The following CIAO2A variants were observed in gnomAD, a reference collection of about 807,000 sequenced individuals.
CIAO2A encodes the protein MIP18 family protein FAM96A.
A neutral mutation model predicts 22.4 loss-of-function variants in CIAO2A; 17 were observed. That is an observed-to-expected ratio of 0.76 (90% CI 0.52 to 1.14). The LOEUF (loss-of-function observed/expected upper bound fraction) is 1.14, where lower values mean the gene tolerates loss of function less well. Ranked by LOEUF, CIAO2A falls within the 50% of genes most tolerant of loss-of-function variation. The probability of loss-of-function intolerance (pLI) is 0.00; values close to 1 mark genes in which losing one functional copy is unlikely to be tolerated. For missense variants in CIAO2A, 192 were observed against 191.4 expected, an observed-to-expected ratio of 1.00 and a Z score of -0.02; for synonymous variants, 74 against 72.3, an observed-to-expected ratio of 1.02 and a Z score of -0.12.
At position 64,093,736 on chromosome 15, in the gene CIAO2A, C is replaced by T. The variant is rs34730124; in HGVS notation, c.33G>A (p.Thr11=). The change falls in exon 1 of 5, where the codon ACG becomes ACA. Residue 11 remains threonine, a synonymous_variant. Coordinates refer to ENST00000300030, the MANE Select transcript of CIAO2A (RefSeq NM_032231.7). ...CGGAGAGCCACAGGACTCTGCTCAG[C>T]GTCCAGGAGAGCAGCCCGGACACCC... MQRVSGLLSW[T]LSRVLWLSGL... is the part of the protein sequence containing the mutation. The T allele has an allele frequency of 6.6e-3, 10,577 of 1,613,556 alleles. 37 individuals are homozygous for T. Among genetic ancestry groups the T allele is most frequent in the Middle Eastern group, 0.012 (73 of 6,058 alleles).
At position 64,075,476 on chromosome 15, in the gene CIAO2A, T is replaced by G. The variant is rs938685264; in HGVS notation, c.385+16A>C. 2.6e-6 allele frequency: 4 copies of G among 1,526,100 alleles called. No individual in the cohort carries two copies. The African/African-American group carries it at 5.6e-5, about 21-fold the overall frequency. 94.5% of individuals were successfully genotyped at this position (1,526,100 alleles called of 1,614,324 possible). Reference sequence around the variant, plus strand: ...ATCTGAAGTTGTTTTTCAATTATGTTTCAACATTCACTTACTGTCTTCTTC... The same window carrying G: ...ATCTGAAGTTGTTTTTCAATTATGTGTCAACATTCACTTACTGTCTTCTTC... On this transcript the variant is annotated intron_variant, in intron 4 of 4. Coordinates refer to ENST00000300030, the MANE Select transcript of CIAO2A (RefSeq NM_032231.7).
intron 2 of CIAO2A, among the ~76,000 whole-genome samples, chr15:64,084,008 C>T (rs2080775560): frequency 6.6e-6 from 1 of 151,896 alleles, no homozygotes; most frequent in Non-Finnish European, 1.5e-5. Flanking sequence ...AGCTGAAATG[C>T]ATAACGAAAG....
chr15:64,090,668 T>C (rs1293481229), intron 1 of CIAO2A, among the ~76,000 whole-genome samples: 2 of 152,134 alleles, frequency 1.3e-5, no homozygotes, highest in Non-Finnish European at 2.9e-5. Context: ...CAGCCAGCTG[T>C]AAGAAAGCAG....
intron 2 of CIAO2A, among the ~76,000 whole-genome samples, chr15:64,081,644 C>T (rs1342952656): frequency 6.8e-6 from 1 of 148,042 alleles, no homozygotes; most frequent in Non-Finnish European, 1.5e-5. Context: ...TCAAGCAATT[C>T]TCCTGCCTCA....
At chr15:64,089,875 C>G (rs188199098) in intron 1 of CIAO2A, among the ~76,000 whole-genome samples, 1 of 152,310 alleles carries the variant, frequency 6.6e-6, no homozygotes, top group East Asian at 1.9e-4. Context: ...TTCAATTTCA[C>G]ACAGAATGAT....
rs548207489 is a variant in CIAO2A, at chr15:64,093,706, G to A, written c.63C>T (p.Leu21=). 6.8e-6 allele frequency: 11 copies of A among 1,614,096 alleles called. No homozygotes were observed. The East Asian group carries it at 2.5e-4, about 36-fold the overall frequency. The part of the protein sequence containing the change: ...TLSRVLWLSG[L]SEPGAARQPR... ...GCTGCCGGGCAGCTCCCGGCTCAGA[G>A]AGGCCGGAGAGCCACAGGACTCTGC... Residue 21 remains leucine, a synonymous_variant, in exon 1 of 5, where the codon CTC becomes CTT. Transcript: ENST00000300030.
At chr15:64,083,582 T>G (rs568720416) in intron 2 of CIAO2A, among the ~76,000 whole-genome samples, 1 of 152,276 alleles carries the variant, frequency 6.6e-6, no homozygotes, top group South Asian at 2.1e-4. Flanking sequence ...AGACGAAGGC[T>G]TCTCTCAAGT....
At chr15:64,080,492 C>G (rs2080751785) in intron 3 of CIAO2A, among the ~76,000 whole-genome samples, 2 of 152,022 alleles carry the variant, frequency 1.3e-5, no homozygotes, top group South Asian at 4.1e-4. Context: ...ACCAGCCTGA[C>G]CAATATGGTG....
chr15:64,074,962 G>T (rs1012015515), intron 4 of CIAO2A: 11 of 152,070 alleles, frequency 7.2e-5, no homozygotes, highest in African/African-American at 2.7e-4. Context: ...GTAACACAGG[G>T]ATCATACAGA....
At chr15:64,074,771 G>C (rs1240375715) in intron 4 of CIAO2A, 1 of 151,962 alleles carries the variant, frequency 6.6e-6, no homozygotes, top group Non-Finnish European at 1.5e-5. Context: ...GAGTCTTCTT[G>C]GTATCTATCT....
chr15:64,087,926 T>C (rs973949980), intron 2 of CIAO2A, among the ~76,000 whole-genome samples: 4 of 152,156 alleles, frequency 2.6e-5, no homozygotes, highest in African/African-American at 9.7e-5. Context: ...TTTACACAAA[T>C]GATAGCAAAA....
chr15:64,079,430 G>C (rs1269137055), intron 3 of CIAO2A, among the ~76,000 whole-genome samples: 2 of 152,210 alleles, frequency 1.3e-5, no homozygotes, highest in African/African-American at 4.8e-5. Flanking sequence ...TGTAGTCCTA[G>C]CTACTTGGGA....
chr15:64,088,733 G>A lies in CIAO2A; in HGVS notation c.243C>T (p.Ile81=), dbSNP rs1268974199. 3 of 1,613,856 alleles carry A rather than the reference G, an allele frequency of 1.9e-6. No homozygotes were observed. The Admixed American group carries it at 5.0e-5, about 27-fold the overall frequency. The stretch of plus-strand genomic sequence containing the variant: ...AATGAGGTACTGTTGGCGTGAACCT[G>A]ATAATAACCAGATATTCTTCTTCAT... ...EINEEEYLVI[I]RFTPTVPHCS... is the part of the protein sequence containing the mutation. The change falls in exon 2 of 5, where the codon ATC becomes ATT. Residue 81 remains isoleucine, a synonymous_variant. Coordinates refer to ENST00000300030, the MANE Select transcript of CIAO2A (RefSeq NM_032231.7).
At chr15:64,090,483 G>A (rs2080832178) in intron 1 of CIAO2A, among the ~76,000 whole-genome samples, 1 of 152,128 alleles carries the variant, frequency 6.6e-6, no homozygotes, top group South Asian at 2.1e-4. Flanking sequence ...AGAATCAGTG[G>A]TATAAAGAAA....
intron 2 of CIAO2A, among the ~76,000 whole-genome samples, chr15:64,081,925 A>G (rs747914494): frequency 9.2e-5 from 14 of 152,228 alleles, no homozygotes; most frequent in Non-Finnish European, 1.9e-4. Context: ...AAAGGGCCAC[A>G]TAAAATCTCT....
chr15:64,090,093 A>T (rs535447203), intron 1 of CIAO2A: 15 of 152,292 alleles, frequency 9.8e-5, no homozygotes, highest in African/African-American at 3.6e-4. Context: ...CTATAATCCT[A>T]GCACTTTGGG....
intron 2 of CIAO2A, among the ~76,000 whole-genome samples, chr15:64,086,867 C>A (rs1361163092): frequency 6.6e-6 from 1 of 151,860 alleles, no homozygotes; most frequent in Non-Finnish European, 1.5e-5. Flanking sequence ...ACTGCCTTGG[C>A]CTCCCAAAGT....
At chr15:64,078,639 C>CAAAAAAAAAAAAAAA (rs56266808) in intron 3 of CIAO2A, among the ~76,000 whole-genome samples, 20 of 129,134 alleles carry the variant, frequency 1.5e-4, no homozygotes, top group African/African-American at 5.3e-4. Flanking sequence ...CCATCGCAAA[C>CAAAAAAAAAAAAAAA]AAAAAAAAAA....
chr15:64,078,682 G>T (rs949344645), intron 3 of CIAO2A, among the ~76,000 whole-genome samples: 4 of 150,698 alleles, frequency 2.7e-5, no homozygotes, highest in African/African-American at 9.7e-5. Context: ...TGACAGTCCA[G>T]GAGGGAAGAT....
Sources: allele counts gnomAD v4.1 joint callset (sites outside exome capture counted in the v4.1 genomes callset), GRCh38; gene constraint gnomAD v4.1.1; transcripts MANE v1.5; gene names NCBI Gene and HGNC (gene_info 2026-07-23, HGNC 2026-07-21).